RARB: variants seen among roughly 807,000 people sequenced by gnomAD.
RARB encodes the protein retinoic acid receptor beta, also known as HBV-activated protein.
Under a neutral mutation model 51.9 loss-of-function variants are expected in RARB, and 17 were observed. The observed-to-expected ratio is 0.33, with a 90% CI of 0.22 to 0.49. The LOEUF is 0.49. Among genes scored for constraint, RARB ranks in the 20% least tolerant of loss-of-function variants. RARB has a pLI of 0.99. For missense variants in RARB, 369 were observed against 550.8 expected, an observed-to-expected ratio of 0.67 and a Z score of 3.30; for synonymous variants, 215 against 195.4, an observed-to-expected ratio of 1.10 and a Z score of -0.84.
At chr3:25,569,656 A>G in intron 3 of RARB, 102 bp from the exon 4 acceptor site, 3 of 1,342,356 alleles carry the variant, frequency 2.2e-6, no homozygotes, top group Non-Finnish European at 3.0e-6. Context: ...TGTCCCAAAT[A>G]TCAAATGAGC....
intron 5 of RARB, among the ~76,000 whole-genome samples, chr3:25,201,443 C>G (rs1701387397): frequency 6.6e-6 from 1 of 152,136 alleles, no homozygotes; most frequent in African/African-American, 2.4e-5. Flanking sequence ...GCCTGATTGC[C>G]CTGGCCAGAA....
intron 5 of RARB, among the ~76,000 whole-genome samples, chr3:25,355,033 C>T (rs978847181): frequency 1.3e-5 from 2 of 152,096 alleles, no homozygotes; most frequent in African/African-American, 4.8e-5. Context: ...GTTATAGCAC[C>T]TTGCTGGGTC....
rs73147310 is a variant in RARB, at chr3:25,195,970, T to G, written c.178+21395T>G. Among the ~76,000 whole-genome samples, 696 of 152,166 alleles carry G rather than the reference T, an allele frequency of 4.6e-3. 8 individuals are homozygous for G. Among genetic ancestry groups the G allele is most frequent in the African/African-American group, 0.016 (653 of 41,548 alleles). The stretch of plus-strand genomic sequence containing the variant: ...CTAATGCAAACAAGACTGGGAGTTT[T>G]GTGGTTATATTTGTTCCTCTGCTTC... On this transcript the variant is annotated intron_variant, in intron 5 of 11. Coordinates refer to the RARB transcript ENST00000383772.
chr3:25,162,662 A>G (rs1414206278), intron 4 of RARB, among the ~76,000 whole-genome samples: 3 of 152,194 alleles, frequency 2.0e-5, no homozygotes, highest in Non-Finnish European at 2.9e-5. Flanking sequence ...TTTCATATAA[A>G]TGGAATCGTA....
chr3:25,334,269 G>T (rs1403318609), intron 5 of RARB, among the ~76,000 whole-genome samples: 2 of 152,122 alleles, frequency 1.3e-5, no homozygotes, highest in Admixed American at 6.5e-5. Flanking sequence ...CAAAGACTTG[G>T]AACCAACCCA....
intron 2 of RARB, among the ~76,000 whole-genome samples, chr3:24,940,980 C>G (rs531117431): frequency 6.6e-6 from 1 of 152,220 alleles, no homozygotes. Flanking sequence ...CTTTTAAGAA[C>G]AGGGCCAACC....
intron 3 of RARB, among the ~76,000 whole-genome samples, chr3:25,060,705 T>G (rs1261720849): frequency 6.6e-6 from 1 of 151,772 alleles, no homozygotes; most frequent in Non-Finnish European, 1.5e-5. Context: ...AAACATAAAG[T>G]TTATCATGGG....
chr3:24,927,789 A>G lies in RARB; in HGVS notation c.-380+69037A>G, dbSNP rs571649100. ...TAGAATGACTGAAGCCGATTTTGGC[A>G]TGCATTCAAATGAGTTGGTGTGAGT... is the stretch of plus-strand genomic sequence containing the variant. On this transcript the variant is annotated intron_variant, in intron 2 of 11. Coordinates refer to the RARB transcript ENST00000383772. Among the ~76,000 whole-genome samples, 26 of 152,194 alleles carry G rather than the reference A, an allele frequency of 1.7e-4. No individual in the cohort carries two copies. The South Asian group carries it at 4.6e-3, about 27-fold the overall frequency.
In RARB at chr3:25,273,947, C is replaced by A. The variant is rs570174083; in HGVS notation, c.178+99372C>A. 3.7e-4 allele frequency among the ~76,000 whole-genome samples: 57 copies of A among 152,302 alleles called. 1 individual carries two copies. In the South Asian group the frequency reaches 0.011, roughly 30 times the overall value. Reference sequence around the variant, plus strand: ...ATTCTCTATGACTCCCACTGGCCTGCCACCCCTGCACTGTGCACCCTGACT... The same window carrying A: ...ATTCTCTATGACTCCCACTGGCCTGACACCCCTGCACTGTGCACCCTGACT... On this transcript the variant is annotated intron_variant, in intron 5 of 11. Transcript: ENST00000383772.
At chr3:24,873,818 G>T (rs1018878236) in intron 2 of RARB, among the ~76,000 whole-genome samples, 11 of 151,952 alleles carry the variant, frequency 7.2e-5, no homozygotes, top group African/African-American at 2.7e-4. Context: ...TGACAATCGG[G>T]TAAGGGGTCT....
At chr3:24,939,805 A>G (rs1446550607) in intron 2 of RARB, among the ~76,000 whole-genome samples, 1 of 152,240 alleles carries the variant, frequency 6.6e-6, no homozygotes, top group Non-Finnish European at 1.5e-5. Context: ...CCTATAATGC[A>G]TTCTACATTG....
At chr3:24,839,790 T>C (rs1702396199) in intron 1 of RARB, among the ~76,000 whole-genome samples, 2 of 151,454 alleles carry the variant, frequency 1.3e-5, no homozygotes, top group Admixed American at 6.6e-5. Context: ...AAAATTATAC[T>C]CGTGTTTAGA....
chr3:25,503,083 C>T (rs1022277109), intron 3 of RARB, among the ~76,000 whole-genome samples: 1 of 120,274 alleles, frequency 8.3e-6, no homozygotes, highest in Non-Finnish European at 1.6e-5. Flanking sequence ...TGGACAATTC[C>T]ATCTGCAGAT....
chr3:24,917,595 A>C (rs1575070806), intron 2 of RARB, among the ~76,000 whole-genome samples: 1 of 152,306 alleles, frequency 6.6e-6, no homozygotes. Context: ...CAGTGGTGCG[A>C]TCTCTGCTCA....
chr3:24,928,624 C>CA (rs1695368862), intron 2 of RARB, among the ~76,000 whole-genome samples: 1 of 151,924 alleles, frequency 6.6e-6, no homozygotes, highest in Non-Finnish European at 1.5e-5. Context: ...AGCTTCTCAG[C>CA]AAAAAGTGTT....
chr3:25,006,909 G>A (rs1697283372), intron 2 of RARB, among the ~76,000 whole-genome samples: 1 of 152,082 alleles, frequency 6.6e-6, no homozygotes, highest in Non-Finnish European at 1.5e-5. Flanking sequence ...TATAATGAAA[G>A]CAGAAGGTCA....
At chr3:24,934,792 G>C (rs1695515994) in intron 2 of RARB, among the ~76,000 whole-genome samples, 5 of 151,994 alleles carry the variant, frequency 3.3e-5, no homozygotes, top group Non-Finnish European at 1.5e-5. Flanking sequence ...CCCTGCACTG[G>C]AAAAAGTTTT....
At chr3:24,952,515 A>G (rs941594799) in intron 2 of RARB, among the ~76,000 whole-genome samples, 1 of 152,068 alleles carries the variant, frequency 6.6e-6, no homozygotes, top group Non-Finnish European at 1.5e-5. Context: ...ACTGCTTACC[A>G]TGACTTAACC....
chr3:24,879,808 C>G (rs933844907), intron 2 of RARB, among the ~76,000 whole-genome samples: 1 of 152,080 alleles, frequency 6.6e-6, no homozygotes, highest in African/African-American at 2.4e-5. Flanking sequence ...CACTTTTCAC[C>G]AGGATTCAAG....
Sources: allele counts gnomAD v4.1 joint callset (sites outside exome capture counted in the v4.1 genomes callset), GRCh38; gene constraint gnomAD v4.1.1; transcripts MANE v1.5; gene names NCBI Gene and HGNC (gene_info 2026-07-23, HGNC 2026-07-21).